Variants in GC observed in about 807,000 individuals in gnomAD.
GC encodes the protein GC vitamin D binding protein, also known as vitamin D-binding protein.
Under a neutral mutation model 56.7 loss-of-function variants are expected in GC, and 43 were observed. The observed-to-expected ratio is 0.76, with a 90% confidence interval of 0.59 to 0.98. The LOEUF is 0.98. Ranked by LOEUF, GC falls within the 50% of genes least tolerant of loss-of-function variation. The pLI, the probability that GC is intolerant of heterozygous loss-of-function variation, is 0.00. For missense variants in GC, 529 were observed against 545.9 expected (o/e 0.97, Z 0.31); for synonymous variants, 216 against 202.7 (o/e 1.07, Z -0.56).
At chr4:71,765,673 T>C (rs1321924101) in intron 3 of GC, 30 bp from the exon 4 acceptor site, 6 of 1,344,164 alleles carry the variant, frequency 4.5e-6, no homozygotes, top group Admixed American at 3.4e-5. Context: ...GAAACTCATA[T>C]ATATATGTAA....
intron 1 of GC, among the ~76,000 whole-genome samples, chr4:71,792,883 A>G (rs1027516455): frequency 6.6e-6 from 1 of 152,204 alleles, no homozygotes; most frequent in Admixed American, 6.6e-5. Context: ...ACATATGGCT[A>G]GCCAGTTTTC....
rs181069604 is a variant in GC, at chr4:71,803,475, T to G, written c.21+451A>C. 7.9e-3 allele frequency among the ~76,000 whole-genome samples: 1,204 copies of G among 152,304 alleles called. 16 individuals are homozygous for G. Among genetic ancestry groups the G allele is most frequent in the African/African-American group, 0.027 (1,125 of 41,578 alleles). On this transcript the variant is annotated intron_variant, in intron 1 of 13. Coordinates refer to the GC transcript ENST00000504199. ...GATGATAAATAACTTTACAAACTTC[T>G]TTTTTATTCAAGGTATTGTCATTTG...
chr4:71,774,650 A>C (rs1192643392), intron 1 of GC, among the ~76,000 whole-genome samples: 1 of 151,932 alleles, frequency 6.6e-6, no homozygotes, highest in Non-Finnish European at 1.5e-5. Context: ...TAACAATTAA[A>C]ATTTGAGTGC....
At position 71,773,302 on chromosome 4, in the gene GC, T is replaced by A. The variant is rs545217553; in HGVS notation, c.59-3902A>T. On this transcript the variant is annotated intron_variant, in intron 1 of 12. Coordinates refer to ENST00000273951, the MANE Select transcript of GC (RefSeq NM_000583.4). ...CTGCAATAGCATGTTTCACTTTTTA[T>A]CTATATTGTGAAACATTCTGGTAAG... Among the ~76,000 whole-genome samples, 6 of 152,212 alleles carry A rather than the reference T, an allele frequency of 3.9e-5. No homozygotes were observed. The East Asian group carries it at 1.2e-3, about 29-fold the overall frequency.
chr4:71,802,643 C>G (rs1281146325), intron 1 of GC, among the ~76,000 whole-genome samples: 1 of 152,174 alleles, frequency 6.6e-6, no homozygotes, highest in Admixed American at 6.5e-5. Flanking sequence ...AGTTAGGAAC[C>G]ACTTGTACTA....
At chr4:71,789,109 A>G (rs2149308317) in intron 1 of GC, among the ~76,000 whole-genome samples, 1 of 151,976 alleles carries the variant, frequency 6.6e-6, no homozygotes, top group East Asian at 1.9e-4. Context: ...TTATGTATAG[A>G]GAGAAAGAGA....
In GC at chr4:71,803,817, A is replaced by C. The variant is rs569567481; in HGVS notation, c.21+109T>G. ...TTTTAATTTTATTTGCTTTGCACAG[A>C]AATCCTCTGTGTTGGTAGTCAGAAC... On this transcript the variant is annotated intron_variant, in intron 1 of 13. Transcript: ENST00000504199. The C allele has an allele frequency of 1.0e-4, 72 of 707,168 alleles. 2 individuals carry two copies. Among genetic ancestry groups the C allele is most frequent in the African/African-American group, 8.4e-4 (48 of 56,966 alleles). 43.8% of individuals were successfully genotyped at this position (707,168 alleles called of 1,614,324 possible).
chr4:71,797,812 A>G (rs1743145145), intron 1 of GC, among the ~76,000 whole-genome samples: 5 of 152,362 alleles, frequency 3.3e-5, no homozygotes, highest in Admixed American at 6.5e-5. Flanking sequence ...AATGAAGATC[A>G]TATGATTCTC....
At chr4:71,749,300 T>C (rs183125547) in intron 11 of GC, among the ~76,000 whole-genome samples, 19 of 152,308 alleles carry the variant, frequency 1.2e-4, no homozygotes, top group Non-Finnish European at 2.9e-5. Context: ...CTTCTCATCA[T>C]TGTAATGATT....
chr4:71,799,677 G>A (rs973144354), intron 1 of GC, among the ~76,000 whole-genome samples: 1 of 152,108 alleles, frequency 6.6e-6, no homozygotes, highest in Non-Finnish European at 1.5e-5. Context: ...CCAGACCAAC[G>A]TCTTGAAGAT....
chr4:71,765,331 A>G, intron 4 of GC, 101 bp downstream of exon 4: 1 of 876,638 alleles, frequency 1.1e-6, no homozygotes, highest in Non-Finnish European at 1.9e-6. Context: ...GAATTTGTTC[A>G]GGTTGCTGTA....
intron 6 of GC, among the ~76,000 whole-genome samples, chr4:71,762,309 A>G (rs2149299390): frequency 6.6e-6 from 1 of 152,256 alleles, no homozygotes; most frequent in Admixed American, 6.5e-5. Flanking sequence ...TGTTTTGGCC[A>G]ATTTTTCCCA....
At chr4:71,763,715 A>T in intron 5 of GC, 89 bp downstream of exon 5, 1 of 1,191,260 alleles carries the variant, frequency 8.4e-7, no homozygotes, top group Non-Finnish European at 1.2e-6. Flanking sequence ...ACTTTTACTG[A>T]TTGCAAAATC....
intron 6 of GC, among the ~76,000 whole-genome samples, chr4:71,763,123 A>G (rs1447536562): frequency 2.0e-5 from 3 of 152,210 alleles, no homozygotes; most frequent in African/African-American, 4.8e-5. Context: ...TGTTTGTAAC[A>G]TATGCTAATA....
chr4:71,751,823 A>G (rs1741565318), intron 11 of GC, among the ~76,000 whole-genome samples: 1 of 148,398 alleles, frequency 6.7e-6, no homozygotes. Flanking sequence ...GATAGTGTCT[A>G]AAAAAGAAAT....
At chr4:71,781,239 G>T (rs919821103) in intron 1 of GC, among the ~76,000 whole-genome samples, 1 of 151,846 alleles carries the variant, frequency 6.6e-6, no homozygotes, top group Admixed American at 6.6e-5. Flanking sequence ...CTGTCATGGG[G>T]TGGGGAGCAG....
In GC at chr4:71,784,009, C is replaced by T. The variant is rs150842455; in HGVS notation, c.10G>A (p.Val4Ile). MKR[V>I]LVLLLAVAFG... ...GCCACAGCAAGCAGTAGTACCAGGA[C>T]CCTCTTCATTTTTCTACCAGAGAGT... Residue 4 changes from valine (V) to isoleucine (I), a missense_variant, in exon 1 of 13, where the codon GTC becomes ATC. Transcript: ENST00000273951. 1.0e-5 allele frequency: 16 copies of T among 1,603,314 alleles called. No individual in the cohort carries two copies. In the African/African-American group the frequency reaches 2.2e-4, roughly 22 times the overall value.
chr4:71,791,573 C>T (rs1296059521), intron 1 of GC, among the ~76,000 whole-genome samples: 1 of 152,020 alleles, frequency 6.6e-6, no homozygotes, highest in African/African-American at 2.4e-5. Context: ...AATATCTCTA[C>T]ATTTATTTAC....
At chr4:71,763,534 G>T (rs1413543476) in intron 5 of GC, 32 bp from the exon 6 acceptor site, 1 of 1,266,600 alleles carries the variant, frequency 7.9e-7, no homozygotes, top group South Asian at 1.2e-5. Context: ...CTCATTATAT[G>T]GTCAAGACTC....
Sources: gnomAD v4.1 joint callset for allele counts (sites outside exome capture counted in the v4.1 genomes callset) on GRCh38, gnomAD v4.1.1 for gene constraint, MANE v1.5 for transcripts, NCBI Gene and HGNC (gene_info 2026-07-23, HGNC 2026-07-21) for gene names.